DGKB: variants seen among roughly 807,000 people sequenced by gnomAD.
DGKB encodes diacylglycerol kinase beta.
DGKB carries 67 observed loss-of-function variants against 114.3 expected under a neutral mutation model. The ratio of observed to expected loss-of-function variants is 0.59; its 90% confidence interval spans 0.48 to 0.72. The LOEUF (loss-of-function observed/expected upper bound fraction) is 0.72. Among genes scored for constraint, DGKB ranks in the 30% least tolerant of loss-of-function variants. DGKB has a pLI of 0.00. For synonymous variants in DGKB, 398 were observed against 323.1 expected (o/e 1.23, Z -2.49); for missense variants, 907 against 975.2 (o/e 0.93, Z 0.93).
intron 1 of DGKB, among the ~76,000 whole-genome samples, chr7:14,943,064 G>A (rs1423680348): frequency 1.3e-5 from 2 of 151,680 alleles, no homozygotes; most frequent in East Asian, 3.9e-4. Flanking sequence ...TTCGTTGTAT[G>A]ACTGATTGAC....
chr7:14,510,143 G>T (rs996043570), intron 20 of DGKB, among the ~76,000 whole-genome samples: 3 of 152,182 alleles, frequency 2.0e-5, no homozygotes, highest in Non-Finnish European at 4.4e-5. Flanking sequence ...TGAAGGCTGG[G>T]GTGGCTGTGG....
At chr7:14,720,588 C>A (rs527494269) in intron 5 of DGKB, among the ~76,000 whole-genome samples, 1 of 151,936 alleles carries the variant, frequency 6.6e-6, no homozygotes, top group South Asian at 2.1e-4. Flanking sequence ...CATGATCCAT[C>A]CACGTCGGCC....
At chr7:14,526,048 A>T (rs1272226607) in intron 20 of DGKB, among the ~76,000 whole-genome samples, 4 of 152,154 alleles carry the variant, frequency 2.6e-5, no homozygotes, top group Non-Finnish European at 5.9e-5. Context: ...TTTCAAATTC[A>T]ATCACATGTA....
chr7:14,885,192 T>A (rs1854842039), intron 1 of DGKB, among the ~76,000 whole-genome samples: 1 of 151,904 alleles, frequency 6.6e-6, no homozygotes, highest in African/African-American at 2.4e-5. Context: ...GGAGAGAATA[T>A]CTACATGTAA....
At chr7:14,298,368 A>G (rs1028722710) in intron 23 of DGKB, among the ~76,000 whole-genome samples, 5 of 152,176 alleles carry the variant, frequency 3.3e-5, no homozygotes, top group Non-Finnish European at 7.3e-5. Context: ...ATATAGACCA[A>G]TGGAACAGAA....
chr7:14,482,128 A>G (rs914798040), intron 20 of DGKB, among the ~76,000 whole-genome samples: 2 of 151,998 alleles, frequency 1.3e-5, no homozygotes, highest in Non-Finnish European at 2.9e-5. Context: ...TCATTTTCCT[A>G]TATTAAAATA....
chr7:14,884,974 T>C (rs112349969), intron 1 of DGKB, among the ~76,000 whole-genome samples: 4 of 152,014 alleles, frequency 2.6e-5, no homozygotes, highest in African/African-American at 7.2e-5. Context: ...CTAAGGACTT[T>C]AGAACGCAAA....
chr7:14,700,991 T>A (rs568342482), intron 7 of DGKB, among the ~76,000 whole-genome samples: 2 of 152,272 alleles, frequency 1.3e-5, no homozygotes, highest in South Asian at 4.1e-4. Context: ...ATGGTACTGA[T>A]CTGTGCACTA....
At chr7:14,239,018 G>C (rs981546148) in intron 23 of DGKB, among the ~76,000 whole-genome samples, 1 of 151,984 alleles carries the variant, frequency 6.6e-6, no homozygotes. Flanking sequence ...ATAGATGAAT[G>C]CCCACTCCCA....
intron 23 of DGKB, among the ~76,000 whole-genome samples, chr7:14,320,903 G>T (rs1200163859): frequency 6.6e-6 from 1 of 152,008 alleles, no homozygotes; most frequent in Non-Finnish European, 1.5e-5. Flanking sequence ...AATTTTAAAT[G>T]TAATATTAAT....
intron 1 of DGKB, among the ~76,000 whole-genome samples, chr7:14,916,855 C>T (rs1784262388): frequency 6.6e-6 from 1 of 151,906 alleles, no homozygotes; most frequent in Admixed American, 6.6e-5. Context: ...TTTCACATTC[C>T]CATGGGGCAC....
intron 20 of DGKB, among the ~76,000 whole-genome samples, chr7:14,565,189 A>T (rs908536846): frequency 1.1e-4 from 16 of 151,984 alleles, no homozygotes; most frequent in African/African-American, 3.9e-4. Context: ...TCTACTGAAA[A>T]TTTTTCCACC....
At chr7:14,905,042 T>C (rs1783616894), upstream of DGKB, among the ~76,000 whole-genome samples, 1 of 152,150 alleles carries the variant, frequency 6.6e-6, no homozygotes. Flanking sequence ...GGTTATTGTT[T>C]TTTGTTTTAC....
At chr7:14,218,823 G>A (rs185950509) in intron 23 of DGKB, among the ~76,000 whole-genome samples, 2 of 151,730 alleles carry the variant, frequency 1.3e-5, no homozygotes, top group Non-Finnish European at 1.5e-5. Flanking sequence ...TCAAAGTTAT[G>A]TGCAACCATC....
chr7:14,277,677 G>A (rs983835463), intron 23 of DGKB, among the ~76,000 whole-genome samples: 3 of 152,106 alleles, frequency 2.0e-5, no homozygotes, highest in African/African-American at 7.2e-5. Flanking sequence ...TGAACATTTA[G>A]GCTGATTCCA....
intron 23 of DGKB, among the ~76,000 whole-genome samples, chr7:14,302,009 G>A (rs184941957): frequency 6.6e-6 from 1 of 152,152 alleles, no homozygotes. Context: ...GCTTTGCTTT[G>A]ATTCTCTCCA....
intron 5 of DGKB, among the ~76,000 whole-genome samples, chr7:14,728,068 T>C (rs1830284726): frequency 6.6e-6 from 1 of 152,180 alleles, no homozygotes; most frequent in Non-Finnish European, 1.5e-5. Flanking sequence ...ACAGAAAACA[T>C]AAAATGACAT....
intron 1 of DGKB, among the ~76,000 whole-genome samples, chr7:14,883,745 C>T (rs1302872717): frequency 6.6e-6 from 1 of 151,940 alleles, no homozygotes; most frequent in Non-Finnish European, 1.5e-5. Context: ...TAAGTGGATT[C>T]AGGAGCTCTG....
At chr7:14,753,594 G>C (rs1834427208) in intron 4 of DGKB, among the ~76,000 whole-genome samples, 1 of 152,078 alleles carries the variant, frequency 6.6e-6, no homozygotes, top group Non-Finnish European at 1.5e-5. Context: ...AATAAATTAA[G>C]ACTTTTACTA....
Sources: gnomAD v4.1 joint callset for allele counts (sites outside exome capture counted in the v4.1 genomes callset) on GRCh38, gnomAD v4.1.1 for gene constraint, MANE v1.5 for transcripts, NCBI Gene and HGNC (gene_info 2026-07-23, HGNC 2026-07-21) for gene names.